The following ARHGAP6 variants were observed in gnomAD, a reference collection of about 807,000 sequenced individuals.
The protein encoded by ARHGAP6 is Rho GTPase activating protein 6.
ARHGAP6 carries 16 observed loss-of-function variants against 55.7 expected under a neutral mutation model. The observed-to-expected ratio is 0.29, with a 90% CI of 0.19 to 0.44. The LOEUF is 0.44. ARHGAP6 is among the 20% of genes least tolerant of loss of function. The pLI is 1.00. For missense variants in ARHGAP6, 698 were observed against 808.9 expected (o/e 0.86, Z 1.66); for synonymous variants, 382 against 360.9 (o/e 1.06, Z -0.66).
chrX:11,465,374 G>C (rs1390804763), intron 1 of ARHGAP6, among the ~76,000 whole-genome samples: 1 of 111,937 alleles, frequency 8.9e-6, no homozygotes, highest in Non-Finnish European at 1.9e-5. Flanking sequence ...GAGTAGCACT[G>C]TCCAATAGAA....
chrX:11,395,600 T>C (rs2049467586), intron 1 of ARHGAP6, among the ~76,000 whole-genome samples: 1 of 112,341 alleles, frequency 8.9e-6, no homozygotes, highest in African/African-American at 3.2e-5. Flanking sequence ...GGCTCCAGCA[T>C]ACTGCTGAAA....
chrX:11,293,595 A>T (rs1257485715), intron 1 of ARHGAP6: 1 of 112,092 alleles, frequency 8.9e-6, no homozygotes, highest in Non-Finnish European at 1.9e-5. Context: ...GTTACTTTTT[A>T]GTTGGCCCAT....
chrX:11,581,527 A>G (rs745586815), intron 1 of ARHGAP6, among the ~76,000 whole-genome samples: 4 of 112,305 alleles, frequency 3.6e-5, no homozygotes, highest in South Asian at 3.7e-4. Context: ...ATGTCCATCA[A>G]TGAATAAATG....
chrX:11,342,120 C>T (rs1300118380), intron 1 of ARHGAP6, among the ~76,000 whole-genome samples: 3 of 112,014 alleles, frequency 2.7e-5, no homozygotes, highest in African/African-American at 6.5e-5. Context: ...TTGCCATGCA[C>T]GCATAAGTAA....
chrX:11,351,273 A>G (rs1319176225), intron 1 of ARHGAP6: 1 of 809,934 alleles, frequency 1.2e-6, no homozygotes. Context: ...TTTTAAAAAT[A>G]AAAATGAACT....
chrX:11,647,956 T>C lies in ARHGAP6; in HGVS notation c.588+16285A>G, dbSNP rs556811710. 1.2e-3 allele frequency among the ~76,000 whole-genome samples: 132 copies of C among 112,149 alleles called. No homozygotes were observed. The South Asian group carries it at 0.046, about 39-fold the overall frequency. ...CTTGCCAACCTGATGTAATGTGAGA[T>C]TCTGCATCAATCAGGTCCTGAAGCA... On this transcript the variant is annotated intron_variant, in intron 1 of 12. Transcript: ENST00000337414.
At chrX:11,613,355 G>C (rs760371096) in intron 1 of ARHGAP6, among the ~76,000 whole-genome samples, 1 of 112,471 alleles carries the variant, frequency 8.9e-6, no homozygotes, top group South Asian at 3.7e-4. Flanking sequence ...AGTGAACAGA[G>C]AAAGATGAAT....
intron 1 of ARHGAP6, among the ~76,000 whole-genome samples, chrX:11,492,564 T>G (rs780525806): frequency 1.7e-4 from 19 of 111,424 alleles, no homozygotes; most frequent in African/African-American, 5.5e-4. Context: ...ATAAACCTGA[T>G]AGGGGAAAGT....
At chrX:11,310,889 T>C (rs1347881159) in intron 1 of ARHGAP6, among the ~76,000 whole-genome samples, 2 of 112,005 alleles carry the variant, frequency 1.8e-5, no homozygotes, top group Non-Finnish European at 3.8e-5. Context: ...TCTCCATGTC[T>C]ATGGTTCCTA....
chrX:11,246,330 A>G (rs915814893), intron 2 of ARHGAP6, among the ~76,000 whole-genome samples: 3 of 111,699 alleles, frequency 2.7e-5, no homozygotes, highest in African/African-American at 9.8e-5. Flanking sequence ...GAGACCATCA[A>G]TGAAAGCTGG....
chrX:11,203,219 G>A (rs2147373757), intron 2 of ARHGAP6, among the ~76,000 whole-genome samples: 1 of 111,942 alleles, frequency 8.9e-6, no homozygotes, highest in South Asian at 3.7e-4. Flanking sequence ...AACATTTCCA[G>A]AAACATTTCT....
chrX:11,461,169 T>C (rs778427805), intron 1 of ARHGAP6, among the ~76,000 whole-genome samples: 3 of 111,770 alleles, frequency 2.7e-5, no homozygotes, highest in Non-Finnish European at 3.8e-5. Context: ...AGTCAAGTGA[T>C]CTCACGTAAC....
intron 1 of ARHGAP6, among the ~76,000 whole-genome samples, chrX:11,429,717 T>C (rs1034023348): frequency 9.0e-6 from 1 of 111,556 alleles, no homozygotes; most frequent in Non-Finnish European, 1.9e-5. Context: ...CCTTGCTCTG[T>C]GACATGTCCA....
chrX:11,571,836 C>T (rs2051522307), intron 1 of ARHGAP6, among the ~76,000 whole-genome samples: 1 of 109,348 alleles, frequency 9.1e-6, no homozygotes, highest in Non-Finnish European at 1.9e-5. Flanking sequence ...TGCAGTGAGC[C>T]GTGATTGCAT....
chrX:11,441,341 T>G (rs922882112), intron 1 of ARHGAP6, among the ~76,000 whole-genome samples: 8 of 112,100 alleles, frequency 7.1e-5, no homozygotes, highest in Non-Finnish European at 1.3e-4. Context: ...GTCTTGTCTT[T>G]GCATACTCTC....
intron 1 of ARHGAP6, among the ~76,000 whole-genome samples, chrX:11,595,028 C>T (rs1460878665): frequency 8.9e-6 from 1 of 111,905 alleles, no homozygotes; most frequent in Non-Finnish European, 1.9e-5. Context: ...CAGTGGCTCA[C>T]ACCTGTAATC....
chrX:11,411,183 TTATATATATATATATATATATATATATA>T (rs201875323), intron 1 of ARHGAP6, among the ~76,000 whole-genome samples: 4 of 31,775 alleles, frequency 1.3e-4, no homozygotes, highest in African/African-American at 3.9e-4. Context: ...CAGACATTAT[TTATATATATATATATATATATATATATA>T]TATATATATA....
chrX:11,259,376 T>C (rs2047530070), intron 1 of ARHGAP6, among the ~76,000 whole-genome samples: 1 of 112,194 alleles, frequency 8.9e-6, no homozygotes, highest in African/African-American at 3.2e-5. Flanking sequence ...ACATTTTCTT[T>C]GTCCATTTTT....
chrX:11,227,593 C>T (rs1371987395), intron 2 of ARHGAP6, among the ~76,000 whole-genome samples: 2 of 110,354 alleles, frequency 1.8e-5, no homozygotes, highest in Non-Finnish European at 3.8e-5. Context: ...CTCTTCCCAG[C>T]CTGTCAGTGG....
Sources: allele counts gnomAD v4.1 joint callset (sites outside exome capture counted in the v4.1 genomes callset), GRCh38; gene constraint gnomAD v4.1.1; transcripts MANE v1.5; gene names NCBI Gene and HGNC (gene_info 2026-07-23, HGNC 2026-07-21).